Variants in RBFOX1 observed in about 807,000 individuals in gnomAD.
RBFOX1 encodes RNA binding protein fox-1 homolog 1.
A neutral mutation model predicts 57.7 loss-of-function variants in RBFOX1; 8 were observed. The observed-to-expected ratio is 0.14, with a 90% confidence interval of 0.08 to 0.25. The LOEUF is 0.25. Ranked by LOEUF, RBFOX1 falls within the 10% of genes least tolerant of loss-of-function variation. RBFOX1 has a pLI of 1.00. For missense variants in RBFOX1, 611 were observed against 548.5 expected, an observed-to-expected ratio of 1.11 and a Z score of -1.14; for synonymous variants, 326 against 222.4, an observed-to-expected ratio of 1.47 and a Z score of -4.15.
chr16:7,123,716 G>A (rs897712923), intron 4 of RBFOX1, among the ~76,000 whole-genome samples: 2 of 152,126 alleles, frequency 1.3e-5, no homozygotes, highest in Non-Finnish European at 2.9e-5. Flanking sequence ...GGGAAATATG[G>A]TGACTACTTG....
chr16:7,384,237 AAAGC>A (rs1419645388), intron 4 of RBFOX1, among the ~76,000 whole-genome samples: 1 of 151,948 alleles, frequency 6.6e-6, no homozygotes, highest in African/African-American at 2.4e-5. Flanking sequence ...ATGAATATGA[AAAGC>A]AAGGAGTATG....
At chr16:5,464,851 G>A (rs1413478991) in intron 1 of RBFOX1, among the ~76,000 whole-genome samples, 1 of 152,196 alleles carries the variant, frequency 6.6e-6, no homozygotes, top group Non-Finnish European at 1.5e-5. Flanking sequence ...GGGCTGGGGA[G>A]GCACAGGGTG....
At chr16:5,399,634 G>A (rs775915362) in intron 1 of RBFOX1, among the ~76,000 whole-genome samples, 1 of 152,032 alleles carries the variant, frequency 6.6e-6, no homozygotes, top group African/African-American at 2.4e-5. Context: ...TGAAAGGGAT[G>A]ATGAGGTGGG....
intron 1 of RBFOX1, among the ~76,000 whole-genome samples, chr16:5,380,382 A>T (rs1239990685): frequency 6.6e-6 from 1 of 152,240 alleles, no homozygotes; most frequent in African/African-American, 2.4e-5. Context: ...TGTGATGGGC[A>T]TTAAAATATC....
At chr16:6,818,376 A>G (rs1171602297) in intron 3 of RBFOX1, among the ~76,000 whole-genome samples, 1 of 152,182 alleles carries the variant, frequency 6.6e-6, no homozygotes, top group African/African-American at 2.4e-5. Context: ...GTGGGACTTA[A>G]ACCAAGTTTA....
chr16:7,373,851 C>T (rs546158746), intron 4 of RBFOX1, among the ~76,000 whole-genome samples: 6 of 152,216 alleles, frequency 3.9e-5, no homozygotes, highest in Non-Finnish European at 7.3e-5. Flanking sequence ...TTTAAAGATG[C>T]TCAGCTTCTC....
chr16:5,627,863 C>T (rs2048390439), intron 3 of RBFOX1, among the ~76,000 whole-genome samples: 3 of 152,278 alleles, frequency 2.0e-5, no homozygotes, highest in Admixed American at 2.0e-4. Flanking sequence ...GGGGGTTGAG[C>T]ATTCATGGAT....
At chr16:5,352,154 C>A (rs1192739062) in intron 1 of RBFOX1, among the ~76,000 whole-genome samples, 1 of 152,092 alleles carries the variant, frequency 6.6e-6, no homozygotes, top group Admixed American at 6.5e-5. Flanking sequence ...TCTGTTTGAT[C>A]TTTTTCAATT....
chr16:7,184,982 A>G (rs887849284), intron 4 of RBFOX1, among the ~76,000 whole-genome samples: 4 of 152,198 alleles, frequency 2.6e-5, no homozygotes, highest in Non-Finnish European at 5.9e-5. Context: ...CAGTAAACAT[A>G]CAATATGCAT....
intron 1 of RBFOX1, among the ~76,000 whole-genome samples, chr16:6,160,249 A>G (rs1053203900): frequency 2.6e-5 from 4 of 152,168 alleles, no homozygotes; most frequent in Non-Finnish European, 4.4e-5. Context: ...ATGGCTGTCA[A>G]TTGTTGCCTC....
intron 1 of RBFOX1, among the ~76,000 whole-genome samples, chr16:5,265,497 G>T (rs536651815): frequency 6.6e-6 from 1 of 152,296 alleles, no homozygotes; most frequent in South Asian, 2.1e-4. Context: ...TGGATTTAGT[G>T]TGACTGATTC....
At chr16:6,803,828 C>A (rs945288290) in intron 3 of RBFOX1, among the ~76,000 whole-genome samples, 4 of 152,074 alleles carry the variant, frequency 2.6e-5, no homozygotes, top group African/African-American at 9.7e-5. Context: ...GGCTACATTT[C>A]TAATTTTTTC....
At chr16:5,742,455 G>A (rs1011612021) in intron 3 of RBFOX1, among the ~76,000 whole-genome samples, 4 of 152,058 alleles carry the variant, frequency 2.6e-5, no homozygotes, top group Non-Finnish European at 5.9e-5. Context: ...TGTAAAAGTG[G>A]GGCTGCTATA....
chr16:6,658,905 G>GT (rs1555662207), intron 3 of RBFOX1, among the ~76,000 whole-genome samples: 1,494 of 114,324 alleles, frequency 0.013, 28 homozygotes, highest in African/African-American at 0.046. Context: ...AGGAGCACAG[G>GT]TTTTTTGTTT....
At chr16:7,060,449 A>G (rs1284039302) in intron 4 of RBFOX1, among the ~76,000 whole-genome samples, 1 of 152,222 alleles carries the variant, frequency 6.6e-6, no homozygotes, top group East Asian at 1.9e-4. Flanking sequence ...CATTAAAACA[A>G]AAGCCTGAAG....
chr16:7,463,322 G>A (rs957013572), intron 4 of RBFOX1, among the ~76,000 whole-genome samples: 1 of 152,122 alleles, frequency 6.6e-6, no homozygotes, highest in Admixed American at 6.5e-5. Context: ...TGGGCAACAT[G>A]GTGTAACCAC....
At chr16:7,642,957 G>A (rs1427717366) in intron 11 of RBFOX1, among the ~76,000 whole-genome samples, 1 of 152,192 alleles carries the variant, frequency 6.6e-6, no homozygotes, top group Non-Finnish European at 1.5e-5. Flanking sequence ...CGATACCTGT[G>A]AGTAGGCAAA....
intron 3 of RBFOX1, among the ~76,000 whole-genome samples, chr16:6,667,972 C>G (rs1413690440): frequency 6.6e-6 from 1 of 152,046 alleles, no homozygotes; most frequent in African/African-American, 2.4e-5. Context: ...TTTTTTAAAT[C>G]TTTGACTCTG....
In RBFOX1 at chr16:7,052,079, G is replaced by T; in HGVS notation, c.8G>T (p.Cys3Phe). The T allele has an allele frequency of 1.2e-6, 2 of 1,611,698 alleles. No homozygotes were observed. Among genetic ancestry groups the T allele is most frequent in the Non-Finnish European group, 1.7e-6 (2 of 1,179,264 alleles). Reference sequence around the variant, plus strand: ...TAGGTTTCAAGACAACAGATGAATTGTGAAAGAGAGCAGCTAAGGGTAGGT... The same window carrying T: ...TAGGTTTCAAGACAACAGATGAATTTTGAAAGAGAGCAGCTAAGGGTAGGT... Reference protein sequence around the residue: MNCEREQLRGNQE... With the variant: MNFEREQLRGNQE... The change falls in exon 4 of 16, where the codon TGT (cysteine) becomes TTT (phenylalanine). Residue 3 changes from cysteine (C) to phenylalanine (F), a missense_variant. Physicochemically the swap from Cys to Phe is radical, Grantham distance 205. Transcript: ENST00000550418.
Sources: allele counts gnomAD v4.1 joint callset (sites outside exome capture counted in the v4.1 genomes callset), GRCh38; gene constraint gnomAD v4.1.1; transcripts MANE v1.5; gene names NCBI Gene and HGNC (gene_info 2026-07-23, HGNC 2026-07-21).